Variants in PTPN11 observed in about 807,000 individuals in gnomAD.
PTPN11 encodes tyrosine-protein phosphatase non-receptor type 11.
In PTPN11, 6 loss-of-function variants were observed where a neutral mutation model predicts 78.8. The observed-to-expected ratio is 0.08, with a 90% CI of 0.04 to 0.15. The LOEUF is 0.15. Ranked by LOEUF, PTPN11 falls within the 10% of genes least tolerant of loss-of-function variation. The probability of loss-of-function intolerance (pLI) is 1.00; values close to 1 mark genes in which losing one functional copy is unlikely to be tolerated. For missense variants in PTPN11, 386 were observed against 744.8 expected (o/e 0.52, Z 5.61); for synonymous variants, 221 against 263.5 (o/e 0.84, Z 1.56).
intron 1 of PTPN11, among the ~76,000 whole-genome samples, chr12:112,444,990 T>G (rs2037967552): frequency 6.6e-6 from 1 of 152,128 alleles, no homozygotes; most frequent in Non-Finnish European, 1.5e-5. Context: ...TTAGGTGTGA[T>G]TGCTACTGGA....
chr12:112,467,206 C>T (rs990523949), intron 6 of PTPN11, among the ~76,000 whole-genome samples: 8 of 152,126 alleles, frequency 5.3e-5, no homozygotes, highest in African/African-American at 1.4e-4. Flanking sequence ...TGGGTACTCA[C>T]ATGTACAACA....
chr12:112,486,983 G>C, intron 11 of PTPN11: 1 of 1,146,642 alleles, frequency 8.7e-7, no homozygotes, highest in Non-Finnish European at 1.1e-6. Flanking sequence ...CTGCTTTGTA[G>C]GTATTGAGGT....
chr12:112,422,741 A>T (rs1199129535), intron 1 of PTPN11, among the ~76,000 whole-genome samples: 1 of 152,188 alleles, frequency 6.6e-6, no homozygotes, highest in Non-Finnish European at 1.5e-5. Context: ...TGTAAGGCCA[A>T]GTTTTTGGTT....
At chr12:112,478,889 C>T (rs555680780) in intron 9 of PTPN11, among the ~76,000 whole-genome samples, 27 of 152,220 alleles carry the variant, frequency 1.8e-4, no homozygotes, top group South Asian at 1.7e-3. Context: ...CGTGCCACCA[C>T]GCCTGGCTAA....
chr12:112,462,307 AC>A (rs1168730156), intron 6 of PTPN11, among the ~76,000 whole-genome samples: 4 of 152,080 alleles, frequency 2.6e-5, no homozygotes, highest in Non-Finnish European at 5.9e-5. Context: ...GCAGTGAGAT[AC>A]GATTGTGACA....
At chr12:112,442,542 T>C (rs950960275) in intron 1 of PTPN11, among the ~76,000 whole-genome samples, 2 of 151,582 alleles carry the variant, frequency 1.3e-5, no homozygotes, top group African/African-American at 4.8e-5. Context: ...AACTTCACCT[T>C]CTGGGTTCAA....
intron 1 of PTPN11, among the ~76,000 whole-genome samples, chr12:112,425,592 A>G (rs2037604372): frequency 6.6e-6 from 1 of 152,222 alleles, no homozygotes; most frequent in Admixed American, 6.5e-5. Flanking sequence ...TATTACATGA[A>G]TGTATTATCC....
intron 1 of PTPN11, among the ~76,000 whole-genome samples, chr12:112,432,389 G>A (rs1012278126): frequency 3.9e-5 from 6 of 152,136 alleles, no homozygotes; most frequent in African/African-American, 1.4e-4. Flanking sequence ...TAATGGGCTG[G>A]GTGCAGTGGC....
rs2038912736 is a variant in PTPN11 at position 112,504,598 on chromosome 12, G to T, written c.1713-97G>T. On this transcript the variant is annotated intron_variant, in intron 14 of 15. Transcript: ENST00000351677. This position sits in a 1 kb window ranked among gnomAD's most constrained non-coding sequence, Gnocchi z 4.7. ...GAACTGTGTCTGTACCATATCTGGT[G>T]CCCAAAGAATGTAGTATGTGTTTTA... is the stretch of plus-strand genomic sequence containing the variant. 1 of 899,006 alleles carries T rather than the reference G, an allele frequency of 1.1e-6. No homozygotes were observed. The highest frequency in any genetic ancestry group is 1.4e-5 in the South Asian group (1 of 70,268). 55.7% of individuals were successfully genotyped at this position (899,006 alleles called of 1,614,324 possible).
intron 7 of PTPN11, among the ~76,000 whole-genome samples, 161 bp downstream of exon 7, chr12:112,473,201 T>G (rs937516674): frequency 6.6e-6 from 1 of 152,140 alleles, no homozygotes; most frequent in African/African-American, 2.4e-5. Context: ...TGGTGGGTGT[T>G]GATGACTTCA....
chr12:112,439,021 C>T (rs1054390549), intron 1 of PTPN11, among the ~76,000 whole-genome samples: 1 of 152,178 alleles, frequency 6.6e-6, no homozygotes, highest in Non-Finnish European at 1.5e-5. Context: ...AAAGTCCAGG[C>T]ACTCTTCTAG....
chr12:112,419,977 C>A (rs911852918), intron 1 of PTPN11, among the ~76,000 whole-genome samples: 1 of 152,214 alleles, frequency 6.6e-6, no homozygotes, highest in African/African-American at 2.4e-5. Flanking sequence ...GACCACAGCC[C>A]TATCAGATGG....
chr12:112,434,434 C>A (rs2037758486), intron 1 of PTPN11, among the ~76,000 whole-genome samples: 1 of 151,852 alleles, frequency 6.6e-6, no homozygotes, highest in Admixed American at 6.6e-5. Flanking sequence ...ATGGTGAAAC[C>A]CGGTCTCTAC....
chr12:112,462,514 C>T (rs2038264236), intron 6 of PTPN11, among the ~76,000 whole-genome samples: 1 of 152,138 alleles, frequency 6.6e-6, no homozygotes, highest in Admixed American at 6.5e-5. Context: ...CAAATACTGG[C>T]TTTGATAGTC....
intron 10 of PTPN11, 70 bp from the exon 11 acceptor site, chr12:112,486,405 T>G: frequency 6.8e-7 from 1 of 1,469,788 alleles, no homozygotes; most frequent in Non-Finnish European, 9.5e-7. Context: ...TAGGAAAGCT[T>G]AGAACCGGGT....
chr12:112,434,460 T>C (rs2037758857), intron 1 of PTPN11, among the ~76,000 whole-genome samples: 1 of 151,564 alleles, frequency 6.6e-6, no homozygotes, highest in South Asian at 2.1e-4. Flanking sequence ...ATACAAAAAT[T>C]AGCTGGGCAT....
intron 2 of PTPN11, among the ~76,000 whole-genome samples, chr12:112,450,081 C>G (rs564616965): frequency 1.4e-5 from 2 of 144,842 alleles, no homozygotes; most frequent in African/African-American, 2.6e-5. Flanking sequence ...AGCGAAACTC[C>G]ATCTCAAAAA....
chr12:112,504,016 CCTT>C lies in PTPN11; in HGVS notation c.1713-675_1713-673del, dbSNP rs2038906423. Among the ~76,000 whole-genome samples, 1 of 152,124 alleles carries C rather than the reference CCTT, an allele frequency of 6.6e-6. No individual in the cohort carries two copies. Among genetic ancestry groups the C allele is most frequent in the Admixed American group, 6.6e-5 (1 of 15,256 alleles). On this transcript the variant is annotated intron_variant, in intron 14 of 15. Transcript: ENST00000351677. The surrounding 1 kb of genome is among the most constrained non-coding windows in gnomAD (Gnocchi z 4.7). The stretch of plus-strand genomic sequence containing the variant: ...ACTGCCTGCCTGCTCCTGTATTTTC[CCTT>C]CTTGGAGCTTTTGCCTGTTCAGATC...
At chr12:112,424,994 G>A (rs971559781) in intron 1 of PTPN11, among the ~76,000 whole-genome samples, 7 of 144,448 alleles carry the variant, frequency 4.8e-5, no homozygotes, top group African/African-American at 1.9e-4. Flanking sequence ...GTGTGTGTGT[G>A]TGTGTGTGTG....
Sources: allele counts gnomAD v4.1 joint callset (sites outside exome capture counted in the v4.1 genomes callset), GRCh38; gene constraint gnomAD v4.1.1; non-coding constraint Gnocchi (gnomAD v3.1); transcripts MANE v1.5; gene names NCBI Gene and HGNC (gene_info 2026-07-23, HGNC 2026-07-21).